LINGO2: variants seen among roughly 807,000 people sequenced by gnomAD.
The protein encoded by LINGO2 is leucine rich repeat and Ig domain containing 2, also known as leucine-rich repeat and immunoglobulin-like domain-containing nogo receptor-interacting protein 2.
A neutral mutation model predicts 30.6 loss-of-function variants in LINGO2; 14 were observed. The ratio of observed to expected loss-of-function variants is 0.46; its 90% CI spans 0.30 to 0.72. The LOEUF (loss-of-function observed/expected upper bound fraction) is 0.72. Ranked by LOEUF, LINGO2 falls within the 30% of genes least tolerant of loss-of-function variation. The pLI is 0.07. For missense variants in LINGO2, 729 were observed against 751.7 expected, an observed-to-expected ratio of 0.97 and a Z score of 0.35; for synonymous variants, 317 against 288.5, an observed-to-expected ratio of 1.10 and a Z score of -1.00.
chr9:28,439,780 C>A (rs1209964404), intron 2 of LINGO2, among the ~76,000 whole-genome samples: 2 of 152,072 alleles, frequency 1.3e-5, no homozygotes, highest in Non-Finnish European at 2.9e-5. Context: ...TCTCAGGTAG[C>A]AGTTTGAAAA....
intron 4 of LINGO2, among the ~76,000 whole-genome samples, chr9:28,209,604 T>A (rs1820522892): frequency 6.6e-6 from 1 of 151,914 alleles, no homozygotes; most frequent in African/African-American, 2.4e-5. Flanking sequence ...TAAACGTTTT[T>A]GAATTCTAAG....
chr9:28,526,134 G>A (rs1289859149), intron 1 of LINGO2, among the ~76,000 whole-genome samples: 1 of 149,042 alleles, frequency 6.7e-6, no homozygotes, highest in African/African-American at 2.5e-5. Context: ...ACCTCAATAA[G>A]GACATTAAAA....
intron 3 of LINGO2, among the ~76,000 whole-genome samples, chr9:28,307,618 T>G (rs888215815): frequency 8.5e-5 from 13 of 152,076 alleles, no homozygotes; most frequent in Non-Finnish European, 1.3e-4. Context: ...GGTATTCAGT[T>G]AGGAAAAGAG....
the LINGO2 span, among the ~76,000 whole-genome samples, chr9:28,994,443 C>A: frequency 1.4e-3 from 194 of 137,790 alleles, no homozygotes; most frequent in South Asian, 3.5e-3. Context: ...GCCATACTGC[C>A]CAAGGTAATT....
At chr9:28,619,852 A>C (rs1826311718) in intron 1 of LINGO2, among the ~76,000 whole-genome samples, 1 of 152,172 alleles carries the variant, frequency 6.6e-6, no homozygotes, top group Non-Finnish European at 1.5e-5. Context: ...AATCATTTTT[A>C]AAAAGGTCTT....
At chr9:29,072,388 T>C in the LINGO2 span, among the ~76,000 whole-genome samples, 1 of 151,866 alleles carries the variant, frequency 6.6e-6, no homozygotes, top group Middle Eastern at 3.2e-3. Context: ...AAAAACTAGA[T>C]TATGATTATC....
chr9:28,102,801 T>A (rs1231630515), intron 4 of LINGO2, among the ~76,000 whole-genome samples: 3 of 152,168 alleles, frequency 2.0e-5, no homozygotes, highest in Non-Finnish European at 2.9e-5. Context: ...GTACCTACTA[T>A]GACTATTTGA....
chr9:28,439,195 T>C (rs921741322), intron 2 of LINGO2, among the ~76,000 whole-genome samples: 2 of 149,992 alleles, frequency 1.3e-5, no homozygotes, highest in African/African-American at 4.9e-5. Flanking sequence ...TATAGATATC[T>C]ATACATTACA....
At chr9:28,807,712 G>C in the LINGO2 span, among the ~76,000 whole-genome samples, 1 of 152,190 alleles carries the variant, frequency 6.6e-6, no homozygotes, top group Admixed American at 6.5e-5. Context: ...TTTAGAAATA[G>C]TAAGAGAGTA....
At chr9:27,950,662 T>C (rs752765795) in exon 6 of LINGO2, 1 of 1,508,828 alleles carries the variant, frequency 6.6e-7, no homozygotes, top group Non-Finnish European at 8.9e-7. Context: ...GATATGGCCG[T>C]GTGAAGCATG....
the LINGO2 span, among the ~76,000 whole-genome samples, chr9:28,712,803 A>G: frequency 5.3e-5 from 8 of 152,268 alleles, no homozygotes; most frequent in Non-Finnish European, 1.2e-4. Context: ...AAATATGATT[A>G]AGAAACATAG....
chr9:28,308,114 C>T (rs1207559193), intron 3 of LINGO2, among the ~76,000 whole-genome samples: 3 of 136,694 alleles, frequency 2.2e-5, no homozygotes, highest in African/African-American at 7.5e-5. Flanking sequence ...AAAGAGCCCT[C>T]ATCGCCAAGT....
intron 1 of LINGO2, among the ~76,000 whole-genome samples, chr9:28,484,742 T>C (rs77880115): frequency 0.021 from 3,249 of 152,186 alleles, 101 homozygotes; most frequent in East Asian, 0.099. Flanking sequence ...ATAAAATTTC[T>C]ATTTCCCAAA....
intron 4 of LINGO2, among the ~76,000 whole-genome samples, chr9:28,273,822 A>C (rs1033793139): frequency 1.3e-5 from 2 of 152,172 alleles, no homozygotes; most frequent in Non-Finnish European, 2.9e-5. Context: ...TCTGAAGAAA[A>C]CCTTGTAATC....
chr9:28,576,028 A>T (rs1823967911), intron 1 of LINGO2, among the ~76,000 whole-genome samples: 1 of 152,178 alleles, frequency 6.6e-6, no homozygotes, highest in Non-Finnish European at 1.5e-5. Flanking sequence ...TGTACTGATA[A>T]ATCGATTGTA....
At chr9:28,224,880 T>C (rs1156612998) in intron 4 of LINGO2, among the ~76,000 whole-genome samples, 3 of 152,200 alleles carry the variant, frequency 2.0e-5, no homozygotes, top group East Asian at 1.9e-4. Flanking sequence ...CGAAATATAC[T>C]ACTAAGCTAT....
chr9:28,234,356 A>T (rs2133948151), intron 4 of LINGO2, among the ~76,000 whole-genome samples: 1 of 152,276 alleles, frequency 6.6e-6, no homozygotes, highest in East Asian at 1.9e-4. Flanking sequence ...TTGACTATGT[A>T]AAGGGGAAGG....
At chr9:28,577,374 G>A (rs1318952656) in intron 1 of LINGO2, among the ~76,000 whole-genome samples, 2 of 151,886 alleles carry the variant, frequency 1.3e-5, no homozygotes, top group African/African-American at 2.4e-5. Flanking sequence ...CTCAAGACCC[G>A]ACCAGTCCTG....
At chr9:28,056,351 G>A (rs911978717) in intron 4 of LINGO2, among the ~76,000 whole-genome samples, 2 of 152,090 alleles carry the variant, frequency 1.3e-5, no homozygotes, top group African/African-American at 4.8e-5. Flanking sequence ...CTGTTTACTC[G>A]TACAGCCTCC....
Sources: gnomAD v4.1 joint callset for allele counts (sites outside exome capture counted in the v4.1 genomes callset) on GRCh38, gnomAD v4.1.1 for gene constraint, MANE v1.5 for transcripts, NCBI Gene and HGNC (gene_info 2026-07-23, HGNC 2026-07-21) for gene names.